OR3A1: variants seen among roughly 807,000 people sequenced by gnomAD.
The protein encoded by OR3A1 is olfactory receptor family 3 subfamily A member 1.
For synonymous variants in OR3A1, 145 were observed against 160.0 expected (o/e 0.91, Z 0.71); for missense variants, 402 against 393.8 (o/e 1.02, Z -0.18).
Position 3,292,403 on chromosome 17 carries a change from G to C in OR3A1, c.180C>G (p.Thr60=). The C allele has an allele frequency of 6.2e-7, 1 of 1,614,044 alleles. No individual in the cohort carries two copies. Among genetic ancestry groups the C allele is most frequent in the East Asian group, 2.2e-5 (1 of 44,872 alleles). ...GGTTCCCCAGGAAGAAGTACATGGGGGTGTGGAGTTTGGGCTCCACCAAGA... is the reference window on the plus strand; with the variant it reads ...GGTTCCCCAGGAAGAAGTACATGGGCGTGTGGAGTTTGGGCTCCACCAAGA... ...AAVLVEPKLH[T]PMYFFLGNLS... is the part of the protein sequence containing the mutation. The change falls in exon 2 of 2, where the codon ACC becomes ACG. Residue 60 remains threonine (T), a synonymous_variant. Coordinates refer to ENST00000323404, the MANE Select transcript of OR3A1 (RefSeq NM_002550.3).
chr17:3,296,696 A>G (rs1424485686), intron 1 of OR3A1, among the ~76,000 whole-genome samples: 4 of 152,214 alleles, frequency 2.6e-5, no homozygotes, highest in African/African-American at 7.2e-5. Flanking sequence ...AATTGGTAAA[A>G]TATGATTAAA....
At chr17:3,297,964 G>GT (rs2048933058) in intron 1 of OR3A1, among the ~76,000 whole-genome samples, 1 of 151,766 alleles carries the variant, frequency 6.6e-6, no homozygotes, top group Non-Finnish European at 1.5e-5. Context: ...ATGGCGTGGG[G>GT]TTTCTTTGTT....
At chr17:3,295,182 G>C (rs772624061) in intron 1 of OR3A1, among the ~76,000 whole-genome samples, 12 of 152,078 alleles carry the variant, frequency 7.9e-5, no homozygotes, top group Non-Finnish European at 1.8e-4. Flanking sequence ...ATAGGAGGAC[G>C]TATGTGTTGA....
intron 1 of OR3A1, among the ~76,000 whole-genome samples, chr17:3,295,714 A>G (rs941009618): frequency 1.3e-5 from 2 of 152,140 alleles, no homozygotes; most frequent in African/African-American, 4.8e-5. Flanking sequence ...CAAGTTAATT[A>G]GAAAGGGTGA....
intron 1 of OR3A1, among the ~76,000 whole-genome samples, chr17:3,297,405 C>A (rs1277284895): frequency 6.6e-6 from 1 of 152,154 alleles, no homozygotes; most frequent in African/African-American, 2.4e-5. Flanking sequence ...GATTCTGTAT[C>A]TTCCCATCTT....
Position 3,292,246 on chromosome 17 carries a change from C to G in OR3A1, c.337G>C (p.Val113Leu). The part of the protein sequence containing the change: ...QLFFFHLFVG[V>L]DCFLLTAMAY... ...ATGGCGGTCAGCAGGAAGCAGTCCACTCCAACGAACAGATGGAAGAAGAAG... is the reference window on the plus strand; with the variant it reads ...ATGGCGGTCAGCAGGAAGCAGTCCAGTCCAACGAACAGATGGAAGAAGAAG... The change falls in exon 2 of 2, where the codon GTG (valine) becomes CTG (leucine). Residue 113 changes from valine (V) to leucine (L), a missense_variant. Transcript: ENST00000323404. 1 of 1,614,162 alleles carries G rather than the reference C, an allele frequency of 6.2e-7. No homozygotes were observed. The highest frequency in any genetic ancestry group is 8.5e-7 in the Non-Finnish European group (1 of 1,180,034).
chr17:3,296,099 A>G (rs1422100739), intron 1 of OR3A1, among the ~76,000 whole-genome samples: 12 of 152,154 alleles, frequency 7.9e-5, no homozygotes, highest in African/African-American at 2.9e-4. Context: ...CTGCCCAGAA[A>G]CAGCATATAT....
rs748830456 is a variant in OR3A1, at chr17:3,292,225, C to T, written c.358G>A (p.Ala120Thr). ...FVGVDCFLLT[A>T]MAYDRFLAIC... ...GCCAGGAATCGGTCATAGGCCATGG[C>T]GGTCAGCAGGAAGCAGTCCACTCCA... The change falls in exon 2 of 2, where the codon GCC becomes ACC. Residue 120 changes from alanine to threonine, a missense_variant. Coordinates refer to ENST00000323404, the MANE Select transcript of OR3A1 (RefSeq NM_002550.3). The T allele has an allele frequency of 1.7e-5, 27 of 1,614,070 alleles. No homozygotes were observed. The highest frequency in any genetic ancestry group is 4.4e-5 in the South Asian group (4 of 91,078).
chr17:3,291,694 T>G lies in OR3A1; in HGVS notation c.889A>C (p.Asn297His). Residue 297 changes from asparagine to histidine, a missense_variant, in exon 2 of 2, where the codon AAC (asparagine) becomes CAC (histidine). Physicochemically the swap from Asn to His is moderately conservative, Grantham distance 68. Coordinates refer to ENST00000323404, the MANE Select transcript of OR3A1 (RefSeq NM_002550.3). Reference sequence around the variant, plus strand: ...CAGATGGCACTCTGCACATCAGGGTTTCTGAAGCTGTAGATGATTGGGTTC... The same window carrying G: ...CAGATGGCACTCTGCACATCAGGGTGTCTGAAGCTGTAGATGATTGGGTTC... The part of the protein sequence containing the change: ...MLNPIIYSFR[N>H]PDVQSAIWRM... 2 of 1,611,396 alleles carry G rather than the reference T, an allele frequency of 1.2e-6. No homozygotes were observed. Among genetic ancestry groups the G allele is most frequent in the Admixed American group, 3.3e-5 (2 of 59,996 alleles).
rs2048870616 is a variant in OR3A1, at chr17:3,291,787, C to T, written c.796G>A (p.Gly266Ser). 2 of 1,613,644 alleles carry T rather than the reference C, an allele frequency of 1.2e-6. No individual in the cohort carries two copies. The highest frequency in any genetic ancestry group is 1.7e-6 in the Non-Finnish European group (2 of 1,179,578). The change falls in exon 2 of 2, where the codon GGT (glycine) becomes AGT (serine). Residue 266 changes from glycine to serine, a missense_variant. Physicochemically the swap from Gly to Ser is moderately conservative, Grantham distance 56 (BLOSUM62 0). Coordinates refer to ENST00000323404, the MANE Select transcript of OR3A1 (RefSeq NM_002550.3). ...GSGIFNYMRL[G>S]STKLSDKDKA... Reference sequence around the variant, plus strand: ...TCCTTGTCTGAAAGCTTGGTTGAACCCAGTCGCATATAGTTAAAGATACCT... The same window carrying T: ...TCCTTGTCTGAAAGCTTGGTTGAACTCAGTCGCATATAGTTAAAGATACCT...
rs372996458 is a variant in OR3A1 at position 3,292,274 on chromosome 17, C to G, written c.309G>C (p.Gln103His). 2 of 1,614,064 alleles carry G rather than the reference C, an allele frequency of 1.2e-6. No homozygotes were observed. Among genetic ancestry groups the G allele is most frequent in the Admixed American group, 1.7e-5 (1 of 59,992 alleles). The change falls in exon 2 of 2, where the codon CAG becomes CAC. Residue 103 changes from glutamine to histidine, a missense_variant. Gln to His is a conservative substitution (Grantham distance 24, BLOSUM62 0). Transcript: ENST00000323404. ...CAACGAACAGATGGAAGAAGAAGAGCTGGGTAAGGCAGGCCCCACAGGGAA... is the reference window on the plus strand; with the variant it reads ...CAACGAACAGATGGAAGAAGAAGAGGTGGGTAAGGCAGGCCCCACAGGGAA... ...RAVPCGACLT[Q>H]LFFFHLFVGV...
Position 3,292,342 on chromosome 17 carries a change from C to G in OR3A1, c.241G>C (p.Val81Leu), listed in dbSNP as rs749939112. Residue 81 changes from valine (V) to leucine (L), a missense_variant, in exon 2 of 2, where the codon GTT becomes CTT. Transcript: ENST00000323404. ...AGGAGACGACTCAACATTGATGGAA[C>G]AGTGACGCTGATGCACCCAACATCC... ...VLDVGCISVT[V>L]PSMLSRLLSR... 6.2e-7 allele frequency: 1 copy of G among 1,614,156 alleles called. No homozygotes were observed. Among genetic ancestry groups the G allele is most frequent in the Non-Finnish European group, 8.5e-7 (1 of 1,180,016 alleles).
chr17:3,292,208 T>G lies in OR3A1; in HGVS notation c.375A>C (p.Arg125=). Reference sequence around the variant, plus strand: ...TGAGGGGCCGGCAGATGGCCAGGAATCGGTCATAGGCCATGGCGGTCAGCA... The same window carrying G: ...TGAGGGGCCGGCAGATGGCCAGGAAGCGGTCATAGGCCATGGCGGTCAGCA... ...CFLLTAMAYD[R]FLAICRPLTY... Residue 125 remains arginine (R), a synonymous_variant, in exon 2 of 2, where the codon CGA becomes CGC. Transcript: ENST00000323404. 7 of 1,613,938 alleles carry G rather than the reference T, an allele frequency of 4.3e-6. No homozygotes were observed. Among genetic ancestry groups the G allele is most frequent in the Non-Finnish European group, 5.9e-6 (7 of 1,179,990 alleles).
intron 1 of OR3A1, among the ~76,000 whole-genome samples, chr17:3,293,929 G>A (rs554723106): frequency 6.6e-6 from 1 of 152,168 alleles, no homozygotes; most frequent in South Asian, 2.1e-4. Context: ...ACACAGACAG[G>A]GAAACAACAC....
At chr17:3,294,163 C>A (rs1455732557) in intron 1 of OR3A1, among the ~76,000 whole-genome samples, 1 of 150,862 alleles carries the variant, frequency 6.6e-6, no homozygotes, top group African/African-American at 2.4e-5. Flanking sequence ...ACATTTCGGC[C>A]TCTCTAAAAA....
intron 1 of OR3A1, among the ~76,000 whole-genome samples, chr17:3,297,678 CT>C (rs2150624676): frequency 6.6e-6 from 1 of 152,092 alleles, no homozygotes; most frequent in East Asian, 1.9e-4. Flanking sequence ...CCAAATTCAG[CT>C]TTGCATTCTT....
Position 3,293,612 on chromosome 17 carries a change from A to C in OR3A1, c.-6-1024T>G, listed in dbSNP as rs2625459. ...TACAAGAAAAAAGAGGTAAATAAAC[A>C]AGAAAGACAAATGGATGACAAAATT... On this transcript the variant is annotated intron_variant, in intron 1 of 1. Transcript: ENST00000323404. 5.3e-3 allele frequency among the ~76,000 whole-genome samples: 814 copies of C among 152,348 alleles called. 5 individuals are homozygous for C. The highest frequency in any genetic ancestry group is 0.017 in the African/African-American group (716 of 41,582).
chr17:3,291,689 A>G lies in OR3A1; in HGVS notation c.894T>C (p.Pro298=), dbSNP rs2048868731. The change falls in exon 2 of 2, where the codon CCT becomes CCC. Residue 298 remains proline, a synonymous_variant. Transcript: ENST00000323404. ...TCCTCCAGATGGCACTCTGCACATC[A>G]GGGTTTCTGAAGCTGTAGATGATTG... ...LNPIIYSFRN[P]DVQSAIWRML... 6.2e-7 allele frequency: 1 copy of G among 1,611,198 alleles called. No individual in the cohort carries two copies. The highest frequency in any genetic ancestry group is 2.2e-5 in the East Asian group (1 of 44,736).
At chr17:3,297,655 C>T (rs1265430974) in intron 1 of OR3A1, among the ~76,000 whole-genome samples, 1 of 149,026 alleles carries the variant, frequency 6.7e-6, no homozygotes, top group African/African-American at 2.6e-5. Context: ...TGTGGCTTGC[C>T]AACAGATTTC....
Sources: allele counts gnomAD v4.1 joint callset (sites outside exome capture counted in the v4.1 genomes callset), GRCh38; gene constraint gnomAD v4.1.1; transcripts MANE v1.5; gene names NCBI Gene and HGNC (gene_info 2026-07-23, HGNC 2026-07-21).